The following SORL1 variants were observed in gnomAD, a reference collection of about 807,000 sequenced individuals.
The protein encoded by SORL1 is sortilin-related receptor.
In SORL1, 127 loss-of-function variants were observed where a neutral mutation model predicts 273.7. The observed-to-expected ratio is 0.46, with a 90% CI of 0.40 to 0.54. SORL1 has a LOEUF of 0.54. Ranked by LOEUF, SORL1 falls within the 20% of genes least tolerant of loss-of-function variation. SORL1 has a pLI of 0.00. For missense variants in SORL1, 2,494 were observed against 2,846.1 expected, an observed-to-expected ratio of 0.88 and a Z score of 2.81; for synonymous variants, 1,031 against 1,067.4, an observed-to-expected ratio of 0.97 and a Z score of 0.66.
At chr11:121,574,773 G>A (rs554738705) in intron 24 of SORL1, among the ~76,000 whole-genome samples, 1 of 152,212 alleles carries the variant, frequency 6.6e-6, no homozygotes, top group African/African-American at 2.4e-5. Flanking sequence ...TGAAAAATGG[G>A]GAAATGGACC....
intron 11 of SORL1, among the ~76,000 whole-genome samples, chr11:121,530,883 T>C (rs1176197102): frequency 1.3e-5 from 2 of 152,214 alleles, no homozygotes; most frequent in African/African-American, 4.8e-5. Flanking sequence ...TTTCTACAGA[T>C]CTATATTTAT....
chr11:121,479,985 C>T (rs1305484175), intron 3 of SORL1, among the ~76,000 whole-genome samples: 5 of 152,174 alleles, frequency 3.3e-5, no homozygotes, highest in African/African-American at 1.2e-4. Context: ...ACAGTGTGGT[C>T]CCCAGGACTC....
intron 16 of SORL1, among the ~76,000 whole-genome samples, chr11:121,553,046 A>C (rs1249651126): frequency 6.6e-6 from 1 of 152,214 alleles, no homozygotes; most frequent in Non-Finnish European, 1.5e-5. Context: ...CAGGACCTTC[A>C]TTTCTACATC....
At chr11:121,526,873 A>G (rs1462944280) in intron 11 of SORL1, among the ~76,000 whole-genome samples, 7 of 152,098 alleles carry the variant, frequency 4.6e-5, no homozygotes, top group Admixed American at 2.0e-4. Flanking sequence ...GCAAAGAGTG[A>G]CAGTTTTATT....
chr11:121,555,398 A>AAGG, intron 18 of SORL1, 80 bp downstream of exon 18: 1 of 1,540,440 alleles, frequency 6.5e-7, no homozygotes. Context: ...ACACAGAGGC[A>AAGG]AGGGCCAGTG....
At position 121,627,746 on chromosome 11, in the gene SORL1, T is replaced by C. The variant is rs1403582957; in HGVS notation, c.6556T>C (p.Phe2186Leu). ...HYSSRLGSAIFSSGDDLGEDD... is the reference protein window; with the variant it reads ...HYSSRLGSAILSSGDDLGEDD... ...CAGCTCCAGGCTGGGGTCCGCAATCTTCTCCTCTGGGGATGACCTGGGTAA... is the reference window on the plus strand; with the variant it reads ...CAGCTCCAGGCTGGGGTCCGCAATCCTCTCCTCTGGGGATGACCTGGGTAA... The change falls in exon 47 of 48, where the codon TTC (phenylalanine) becomes CTC (leucine). Residue 2186 changes from phenylalanine (F) to leucine (L), a missense_variant. Transcript: ENST00000260197. This position sits in a 1 kb window ranked among gnomAD's most constrained non-coding sequence, Gnocchi z 4.9. The C allele has an allele frequency of 1.9e-6, 3 of 1,613,848 alleles. No individual in the cohort carries two copies. Among genetic ancestry groups the C allele is most frequent in the Non-Finnish European group, 2.5e-6 (3 of 1,179,916 alleles).
chr11:121,516,695 GTC>G (rs1434384552), intron 8 of SORL1, among the ~76,000 whole-genome samples: 2 of 152,094 alleles, frequency 1.3e-5, no homozygotes, highest in Non-Finnish European at 2.9e-5. Flanking sequence ...TGCTCAGCTT[GTC>G]CTGGTTTGGT....
Position 121,612,722 on chromosome 11 carries a change from T to C in SORL1, c.5323-14T>C. On this transcript the variant is annotated splice_polypyrimidine_tract_variant and intron_variant, in intron 39 of 47. Coordinates refer to ENST00000260197, the MANE Select transcript of SORL1 (RefSeq NM_003105.6). ...ACTAGCTGTTCATCTAACATGCTTC[T>C]TGGTTCTCGGCAGGTGAATGGCTAT... The C allele has an allele frequency of 6.8e-6, 11 of 1,608,456 alleles. No homozygotes were observed. The highest frequency in any genetic ancestry group is 8.5e-6 in the Non-Finnish European group (10 of 1,174,842).
intron 1 of SORL1, among the ~76,000 whole-genome samples, chr11:121,461,650 G>C (rs990165521): frequency 1.3e-5 from 2 of 152,222 alleles, no homozygotes; most frequent in African/African-American, 4.8e-5. Context: ...TCGCCTCTGG[G>C]CTGGAGCCTT....
intron 6 of SORL1, among the ~76,000 whole-genome samples, chr11:121,503,167 G>GC (rs770055169): frequency 1.3e-4 from 20 of 152,176 alleles, no homozygotes; most frequent in Non-Finnish European, 2.4e-4. Context: ...ACCATGCCCA[G>GC]CCGTGTTTTT....
chr11:121,594,332 C>G (rs1024768548), intron 31 of SORL1, among the ~76,000 whole-genome samples: 1 of 152,106 alleles, frequency 6.6e-6, no homozygotes, highest in African/African-American at 2.4e-5. Flanking sequence ...ATTTCCCTCT[C>G]TGTTTTCTCT....
chr11:121,462,243 A>G (rs1183877135), intron 1 of SORL1, among the ~76,000 whole-genome samples: 1 of 152,064 alleles, frequency 6.6e-6, no homozygotes, highest in African/African-American at 2.4e-5. Context: ...ATCTCACATA[A>G]TTCCACTTTC....
rs949391970 is a variant in SORL1 at position 121,583,829 on chromosome 11, G to A, written c.3706+246G>A. 1.1e-4 allele frequency among the ~76,000 whole-genome samples: 16 copies of A among 152,184 alleles called. 1 individual carries two copies. Among genetic ancestry groups the A allele is most frequent in the African/African-American group, 7.2e-5 (3 of 41,440 alleles). ...CACAAACTATATAAAATGCTGCCAC[G>A]TAAACAAAATATATAAAATGTTTTT... On this transcript the variant is annotated intron_variant, in intron 26 of 47. Transcript: ENST00000260197.
chr11:121,512,885 C>G, intron 6 of SORL1, 118 bp from the exon 7 acceptor site: 1 of 703,014 alleles, frequency 1.4e-6, no homozygotes, highest in South Asian at 1.8e-5. Flanking sequence ...CAATCACAGT[C>G]TCTATTTTGT....
chr11:121,597,231 G>A (rs925827835), intron 32 of SORL1, among the ~76,000 whole-genome samples: 2 of 152,220 alleles, frequency 1.3e-5, no homozygotes, highest in Admixed American at 1.3e-4. Flanking sequence ...TGTCTGTAGC[G>A]TTGTTCTCCA....
In SORL1 at chr11:121,488,941, A is replaced by C. The variant is rs553465925; in HGVS notation, c.690+748A>C. On this transcript the variant is annotated intron_variant, in intron 4 of 47. Coordinates refer to ENST00000260197, the MANE Select transcript of SORL1 (RefSeq NM_003105.6). ...CTGTTTACCTTTGCTTGCCTTAGGG[A>C]GTAACCTAAGTATGGGCTGGGTCAG... Among the ~76,000 whole-genome samples, 13 of 152,292 alleles carry C rather than the reference A, an allele frequency of 8.5e-5. No individual in the cohort carries two copies. In the East Asian group the frequency reaches 2.5e-3, roughly 29 times the overall value.
intron 32 of SORL1, among the ~76,000 whole-genome samples, chr11:121,602,295 A>T (rs951907605): frequency 6.6e-6 from 1 of 152,238 alleles, no homozygotes; most frequent in African/African-American, 2.4e-5. Flanking sequence ...TGGTTTTGAT[A>T]GTTCCCTTCT....
intron 38 of SORL1, 129 bp downstream of exon 38, chr11:121,608,305 A>C (rs1481008223): frequency 2.7e-6 from 2 of 754,592 alleles, no homozygotes; most frequent in Middle Eastern, 3.0e-4. Flanking sequence ...TCTCCCCAAC[A>C]CACGCACATT....
chr11:121,469,556 C>G (rs546252720), intron 1 of SORL1, among the ~76,000 whole-genome samples: 1 of 152,198 alleles, frequency 6.6e-6, no homozygotes, highest in African/African-American at 2.4e-5. Context: ...ACAGTACCAC[C>G]AAGCCAGAAA....
Sources: allele counts gnomAD v4.1 joint callset (sites outside exome capture counted in the v4.1 genomes callset), GRCh38; gene constraint gnomAD v4.1.1; non-coding constraint Gnocchi (gnomAD v3.1); transcripts MANE v1.5; gene names NCBI Gene and HGNC (gene_info 2026-07-23, HGNC 2026-07-21).